HOMER1: variants seen among roughly 807,000 people sequenced by gnomAD.
HOMER1 encodes the protein homer scaffold protein 1, also known as homer protein homolog 1.
HOMER1 carries 3 observed loss-of-function variants against 48.9 expected under a neutral mutation model. That is an observed-to-expected ratio of 0.06 (90% CI 0.03 to 0.16). The LOEUF is 0.16. Ranked by LOEUF, HOMER1 falls within the 10% of genes least tolerant of loss-of-function variation. HOMER1 has a pLI of 1.00. For synonymous variants in HOMER1, 134 were observed against 146.4 expected (o/e 0.92, Z 0.61); for missense variants, 247 against 411.4 (o/e 0.60, Z 3.46).
At chr5:79,482,737 C>T (rs1751980471) in intron 1 of HOMER1, among the ~76,000 whole-genome samples, 1 of 151,956 alleles carries the variant, frequency 6.6e-6, no homozygotes, top group South Asian at 2.1e-4. Context: ...GTAGCTCATA[C>T]CTGTAATCCC....
At chr5:79,395,615 T>C (rs2112211997) in intron 8 of HOMER1, among the ~76,000 whole-genome samples, 1 of 152,280 alleles carries the variant, frequency 6.6e-6, no homozygotes, top group African/African-American at 2.4e-5. Context: ...AGGTAAATAT[T>C]CCATTTTATA....
At position 79,421,039 on chromosome 5, in the gene HOMER1, A is replaced by T. The variant is rs538559558; in HGVS notation, c.527+17971T>A. 3.3e-5 allele frequency among the ~76,000 whole-genome samples: 5 copies of T among 152,320 alleles called. No individual in the cohort carries two copies. In the South Asian group the frequency reaches 8.3e-4, roughly 25 times the overall value. On this transcript the variant is annotated intron_variant, in intron 5 of 8. Transcript: ENST00000334082. ...CATGCCTACAAAATACTCCACAAAG[A>T]TAACTGTGCTTTCCAGGTACTCCCA...
At chr5:79,496,040 T>G (rs1752411669) in intron 1 of HOMER1, among the ~76,000 whole-genome samples, 1 of 152,210 alleles carries the variant, frequency 6.6e-6, no homozygotes, top group African/African-American at 2.4e-5. Flanking sequence ...GTAACTTTAA[T>G]ACAGTTTTCA....
intron 1 of HOMER1, among the ~76,000 whole-genome samples, chr5:79,511,969 T>C (rs146892924): frequency 2.0e-5 from 3 of 152,228 alleles, no homozygotes; most frequent in African/African-American, 7.2e-5. Flanking sequence ...CATTAATATA[T>C]TATGGGTTTC....
Position 79,485,345 on chromosome 5 carries a change from T to C in HOMER1, c.5+27425A>G, listed in dbSNP as rs578119038. On this transcript the variant is annotated intron_variant, in intron 1 of 8. Transcript: ENST00000334082. The stretch of plus-strand genomic sequence containing the variant: ...TGGGGAGGGTAAGTAGAAATTCAGC[T>C]ATTCCAACTGAGTTCTCCTCCCACC... 4.6e-5 allele frequency among the ~76,000 whole-genome samples: 7 copies of C among 152,304 alleles called. No homozygotes were observed. In the East Asian group the frequency reaches 1.4e-3, roughly 29 times the overall value.
chr5:79,511,173 TC>T (rs1272711617), intron 1 of HOMER1, among the ~76,000 whole-genome samples: 2 of 152,220 alleles, frequency 1.3e-5, no homozygotes, highest in Non-Finnish European at 2.9e-5. Context: ...TGATTTTTTT[TC>T]CTCCAACATG....
chr5:79,496,155 C>T lies in HOMER1; in HGVS notation c.5+16615G>A, dbSNP rs77149660. Among the ~76,000 whole-genome samples the T allele has an allele frequency of 5.6e-3, 860 of 152,290 alleles. 8 individuals carry two copies. The highest frequency in any genetic ancestry group is 9.4e-3 in the Non-Finnish European group (641 of 68,026). The stretch of plus-strand genomic sequence containing the variant: ...AAGAGGGAACTAAGTGAACAACCTG[C>T]TGGCTAGAATTTAGAGGCAAAGGGA... On this transcript the variant is annotated intron_variant, in intron 1 of 8. Coordinates refer to ENST00000334082, the MANE Select transcript of HOMER1 (RefSeq NM_004272.5).
chr5:79,443,090 C>A (rs112035127), intron 4 of HOMER1, among the ~76,000 whole-genome samples: 13 of 152,280 alleles, frequency 8.5e-5, no homozygotes, highest in African/African-American at 3.1e-4. Flanking sequence ...GCATCAAATG[C>A]TTACCAAGAG....
chr5:79,384,487 C>A (rs1043618354), intron 8 of HOMER1, among the ~76,000 whole-genome samples: 1 of 152,058 alleles, frequency 6.6e-6, no homozygotes, highest in Non-Finnish European at 1.5e-5. Flanking sequence ...TAATGAGTAG[C>A]AAGACTGAAT....
At chr5:79,502,308 G>C (rs915140145) in intron 1 of HOMER1, among the ~76,000 whole-genome samples, 2 of 152,024 alleles carry the variant, frequency 1.3e-5, no homozygotes, top group South Asian at 4.2e-4. Context: ...GTGAGCCACC[G>C]CGCCCAGCCA....
At chr5:79,381,422 T>C (rs553108772) in intron 8 of HOMER1, among the ~76,000 whole-genome samples, 64 of 151,958 alleles carry the variant, frequency 4.2e-4, no homozygotes, top group African/African-American at 1.4e-3. Flanking sequence ...TAGATATCAG[T>C]GTAAGAATAC....
At chr5:79,405,904 T>C (rs1168951147) in intron 5 of HOMER1, among the ~76,000 whole-genome samples, 1 of 152,238 alleles carries the variant, frequency 6.6e-6, no homozygotes, top group Non-Finnish European at 1.5e-5. Context: ...TAGAATCATA[T>C]GGAGTTTCTT....
chr5:79,455,072 T>C (rs1439814464), intron 2 of HOMER1, among the ~76,000 whole-genome samples: 2 of 151,872 alleles, frequency 1.3e-5, no homozygotes, highest in Non-Finnish European at 2.9e-5. Flanking sequence ...CCTGAGTAGC[T>C]AGGACTACAG....
At chr5:79,392,864 T>G (rs1749285651) in intron 8 of HOMER1, among the ~76,000 whole-genome samples, 1 of 152,064 alleles carries the variant, frequency 6.6e-6, no homozygotes, top group African/African-American at 2.4e-5. Flanking sequence ...GTATTTTTAC[T>G]CTACCTTTTC....
intron 4 of HOMER1, 123 bp from the exon 5 acceptor site, chr5:79,439,272 T>A: frequency 1.2e-6 from 1 of 822,222 alleles, no homozygotes; most frequent in Non-Finnish European, 1.8e-6. Flanking sequence ...AACTGAAATT[T>A]GAGTCAAAGA....
intron 1 of HOMER1, among the ~76,000 whole-genome samples, chr5:79,458,347 A>C (rs1004994462): frequency 6.6e-6 from 1 of 152,018 alleles, no homozygotes; most frequent in Middle Eastern, 3.4e-3. Context: ...TTTCTTTTCT[A>C]AAGCAGTTCA....
intron 1 of HOMER1, among the ~76,000 whole-genome samples, chr5:79,484,431 A>G (rs1181107995): frequency 6.6e-6 from 1 of 152,150 alleles, no homozygotes; most frequent in East Asian, 1.9e-4. Context: ...CCCACAATTA[A>G]AAGGCAGAGA....
intron 5 of HOMER1, among the ~76,000 whole-genome samples, chr5:79,419,964 GAGA>G (rs1474731751): frequency 6.6e-6 from 1 of 151,690 alleles, no homozygotes; most frequent in African/African-American, 2.4e-5. Context: ...GTTTCATTTG[GAGA>G]AGATGTAAAA....
At chr5:79,507,231 AAAAACC>A (rs1752802511) in intron 1 of HOMER1, among the ~76,000 whole-genome samples, 3 of 151,134 alleles carry the variant, frequency 2.0e-5, no homozygotes, top group Admixed American at 6.6e-5. Flanking sequence ...AAAAAAAAAA[AAAAACC>A]AAAACAAAAA....
Sources: gnomAD v4.1 joint callset for allele counts (sites outside exome capture counted in the v4.1 genomes callset) on GRCh38, gnomAD v4.1.1 for gene constraint, MANE v1.5 for transcripts, NCBI Gene and HGNC (gene_info 2026-07-23, HGNC 2026-07-21) for gene names.